NAALADL2: variants seen among roughly 807,000 people sequenced by gnomAD.
The protein encoded by NAALADL2 is inactive N-acetylated-alpha-linked acidic dipeptidase-like protein 2.
In NAALADL2, 76 loss-of-function variants were observed where a neutral mutation model predicts 87.2. That is an observed-to-expected ratio of 0.87 (90% CI 0.72 to 1.05). The LOEUF (loss-of-function observed/expected upper bound fraction) is 1.05, where lower values mean the gene tolerates loss of function less well. Ranked by LOEUF, NAALADL2 falls within the 50% of genes least tolerant of loss-of-function variation. NAALADL2 has a pLI of 0.00. For synonymous variants in NAALADL2, 354 were observed against 331.0 expected (o/e 1.07, Z -0.75); for missense variants, 1,089 against 945.8 (o/e 1.15, Z -1.99).
chr3:175,049,153 A>G (rs1023141564), intron 1 of NAALADL2, among the ~76,000 whole-genome samples: 6 of 152,030 alleles, frequency 3.9e-5, no homozygotes, highest in African/African-American at 1.4e-4. Context: ...GCCTCAGGTA[A>G]TCCTGGCTCA....
intron 5 of NAALADL2, among the ~76,000 whole-genome samples, chr3:175,351,052 T>A (rs1763702909): frequency 1.3e-5 from 2 of 152,156 alleles, no homozygotes; most frequent in Non-Finnish European, 2.9e-5. Flanking sequence ...GCATATACTT[T>A]GGAGTGTGAC....
intron 5 of NAALADL2, among the ~76,000 whole-genome samples, chr3:175,414,992 T>C (rs1156735516): frequency 6.6e-6 from 1 of 152,152 alleles, no homozygotes; most frequent in Non-Finnish European, 1.5e-5. Flanking sequence ...CACTTTTAAG[T>C]AGAAAAATTG....
At chr3:175,416,234 C>T (rs951720391) in intron 5 of NAALADL2, among the ~76,000 whole-genome samples, 2 of 152,002 alleles carry the variant, frequency 1.3e-5, no homozygotes, top group African/African-American at 2.4e-5. Flanking sequence ...TCTAAAATGG[C>T]AAGAACATTG....
intron 2 of NAALADL2, among the ~76,000 whole-genome samples, chr3:174,577,053 C>T (rs1044086746): frequency 6.6e-6 from 1 of 151,898 alleles, no homozygotes; most frequent in African/African-American, 2.4e-5. Flanking sequence ...TTACAGAGAG[C>T]TTCAGGATAA....
At chr3:174,730,201 C>T (rs1336093405) in intron 2 of NAALADL2, among the ~76,000 whole-genome samples, 2 of 152,036 alleles carry the variant, frequency 1.3e-5, no homozygotes, top group East Asian at 3.9e-4. Flanking sequence ...CTGGGTGAAA[C>T]ATTTTTATCT....
At chr3:175,047,723 T>A (rs1254570848) in intron 1 of NAALADL2, among the ~76,000 whole-genome samples, 1 of 152,180 alleles carries the variant, frequency 6.6e-6, no homozygotes, top group African/African-American at 2.4e-5. Flanking sequence ...TGAGACTAGA[T>A]CAAAGAATAA....
chr3:175,691,965 T>C (rs951373473), intron 11 of NAALADL2, among the ~76,000 whole-genome samples: 2 of 152,168 alleles, frequency 1.3e-5, no homozygotes, highest in African/African-American at 4.8e-5. Flanking sequence ...ATTTTGCTGC[T>C]CCTTTCTCGA....
chr3:174,888,840 C>A (rs1241696621), intron 1 of NAALADL2, among the ~76,000 whole-genome samples: 1 of 152,138 alleles, frequency 6.6e-6, no homozygotes, highest in African/African-American at 2.4e-5. Flanking sequence ...TAAATTGAGT[C>A]AAAATATTTG....
chr3:174,662,700 T>G (rs1725611910), intron 2 of NAALADL2, among the ~76,000 whole-genome samples: 1 of 150,596 alleles, frequency 6.6e-6, no homozygotes, highest in African/African-American at 2.4e-5. Flanking sequence ...CAGAAGTTCC[T>G]TTCATAGAAA....
chr3:175,512,945 C>T (rs182849655), intron 9 of NAALADL2, among the ~76,000 whole-genome samples: 42 of 152,222 alleles, frequency 2.8e-4, no homozygotes, highest in African/African-American at 9.9e-4. Context: ...CTCTATTGTT[C>T]AGACTTCCCT....
At chr3:174,861,813 C>G (rs1239101698) in intron 1 of NAALADL2, among the ~76,000 whole-genome samples, 3 of 152,010 alleles carry the variant, frequency 2.0e-5, no homozygotes, top group Non-Finnish European at 4.4e-5. Flanking sequence ...CCCAATTATA[C>G]TCTCAGGGGG....
intron 2 of NAALADL2, among the ~76,000 whole-genome samples, chr3:174,563,220 GCTGT>G (rs1465669991): frequency 6.6e-6 from 1 of 151,480 alleles, no homozygotes; most frequent in African/African-American, 2.4e-5. Flanking sequence ...ATTTCATGAT[GCTGT>G]CTATTAAATA....
At chr3:175,471,489 G>T (rs201816958) in intron 8 of NAALADL2, 150 bp from the exon 9 acceptor site, 7 of 435,446 alleles carry the variant, frequency 1.6e-5, no homozygotes, top group Admixed American at 5.9e-5. Context: ...AAAAAAAAAA[G>T]AAAGAAAGAA....
chr3:174,937,566 A>G (rs1737884196), intron 1 of NAALADL2, among the ~76,000 whole-genome samples: 1 of 152,090 alleles, frequency 6.6e-6, no homozygotes, highest in South Asian at 2.1e-4. Context: ...TTTCAGAAAC[A>G]TGCATGTACT....
At chr3:175,643,701 A>G (rs1413719055) in intron 11 of NAALADL2, among the ~76,000 whole-genome samples, 1 of 152,194 alleles carries the variant, frequency 6.6e-6, no homozygotes, top group East Asian at 1.9e-4. Flanking sequence ...ATTGTTTGAT[A>G]AAGAAGCTCC....
intron 11 of NAALADL2, among the ~76,000 whole-genome samples, chr3:175,628,927 A>C (rs1195867740): frequency 6.6e-6 from 1 of 150,524 alleles, no homozygotes; most frequent in African/African-American, 2.4e-5. Context: ...TTCTAAGCTC[A>C]AAATATCTAA....
At chr3:175,641,821 G>A (rs2151611) in intron 11 of NAALADL2, among the ~76,000 whole-genome samples, 40,781 of 151,978 alleles carry the variant, frequency 0.27, 6,366 homozygotes, top group African/African-American at 0.44. Context: ...AATAAATATT[G>A]TTCCTATAAC....
At chr3:175,455,423 G>A (rs918216853) in intron 6 of NAALADL2, among the ~76,000 whole-genome samples, 21 of 152,074 alleles carry the variant, frequency 1.4e-4, no homozygotes, top group Admixed American at 1.4e-3. Context: ...GGAAGTGTTT[G>A]GTAGACAGAT....
At chr3:175,700,186 A>C (rs1738790947) in intron 11 of NAALADL2, among the ~76,000 whole-genome samples, 1 of 152,148 alleles carries the variant, frequency 6.6e-6, no homozygotes, top group South Asian at 2.1e-4. Flanking sequence ...ATGCAAACTT[A>C]TCTTAGCTGT....
Sources: gnomAD v4.1 joint callset for allele counts (sites outside exome capture counted in the v4.1 genomes callset) on GRCh38, gnomAD v4.1.1 for gene constraint, MANE v1.5 for transcripts, NCBI Gene and HGNC (gene_info 2026-07-23, HGNC 2026-07-21) for gene names.